Variants in ST6GALNAC3 observed in about 807,000 individuals in gnomAD.
ST6GALNAC3 encodes the protein alpha-N-acetylgalactosaminide alpha-2,6-sialyltransferase 3.
Under a neutral mutation model 32.7 loss-of-function variants are expected in ST6GALNAC3, and 25 were observed. That is an observed-to-expected ratio of 0.76 (90% CI 0.56 to 1.07). The LOEUF is 1.07. ST6GALNAC3 is among the 50% of genes least tolerant of loss of function. The probability of loss-of-function intolerance (pLI) is 0.00; values close to 1 mark genes in which losing one functional copy is unlikely to be tolerated. For synonymous variants in ST6GALNAC3, 129 were observed against 133.1 expected, an observed-to-expected ratio of 0.97 and a Z score of 0.21; for missense variants, 355 against 382.4, an observed-to-expected ratio of 0.93 and a Z score of 0.60.
At chr1:76,261,054 T>C (rs2100728404) in intron 1 of ST6GALNAC3, among the ~76,000 whole-genome samples, 1 of 151,420 alleles carries the variant, frequency 6.6e-6, no homozygotes, top group Non-Finnish European at 1.5e-5. Flanking sequence ...TATTATTAAC[T>C]CAGGAGTTTA....
At chr1:76,500,401 C>G (rs1488518228) in intron 3 of ST6GALNAC3, among the ~76,000 whole-genome samples, 3 of 152,080 alleles carry the variant, frequency 2.0e-5, no homozygotes, top group Non-Finnish European at 4.4e-5. Flanking sequence ...CTACAAGTAC[C>G]CATTCATAGA....
At chr1:76,381,281 CA>C (rs146996535) in intron 2 of ST6GALNAC3, among the ~76,000 whole-genome samples, 11,477 of 151,352 alleles carry the variant, frequency 0.076, 478 homozygotes, top group Middle Eastern at 0.12. Context: ...GCCATCTAAC[CA>C]AAAGGCAGTA....
At chr1:76,443,462 G>T (rs12084698) in intron 3 of ST6GALNAC3, among the ~76,000 whole-genome samples, 2,050 of 152,254 alleles carry the variant, frequency 0.013, 36 homozygotes, top group African/African-American at 0.042. Context: ...GGACGCTATC[G>T]GTTCATTCAG....
At chr1:76,422,080 A>T (rs984321806) in intron 3 of ST6GALNAC3, among the ~76,000 whole-genome samples, 1 of 151,724 alleles carries the variant, frequency 6.6e-6, no homozygotes, top group African/African-American at 2.4e-5. Context: ...AGTGTTTTCT[A>T]TGTATTTCTC....
At position 76,084,242 on chromosome 1, in the gene ST6GALNAC3, C is replaced by T. The variant is rs139274861; in HGVS notation, c.18+9358C>T. On this transcript the variant is annotated intron_variant, in intron 1 of 4. Transcript: ENST00000328299. ...TGGACTCCTGGCAGCCAAAGGCTGG[C>T]GACTGATGAGCAAGTAATGAGTGCC... 3.9e-5 allele frequency among the ~76,000 whole-genome samples: 6 copies of T among 152,278 alleles called. No individual in the cohort carries two copies. In the East Asian group the frequency reaches 9.7e-4, roughly 24 times the overall value.
chr1:76,597,263 A>G (rs1470670921), intron 3 of ST6GALNAC3, among the ~76,000 whole-genome samples: 1 of 152,146 alleles, frequency 6.6e-6, no homozygotes, highest in Non-Finnish European at 1.5e-5. Flanking sequence ...CTCAGTAAAT[A>G]TATGTTGCTT....
At chr1:76,551,403 A>G (rs1042855210) in intron 3 of ST6GALNAC3, among the ~76,000 whole-genome samples, 3 of 152,198 alleles carry the variant, frequency 2.0e-5, no homozygotes, top group African/African-American at 4.8e-5. Flanking sequence ...AATTTATTCC[A>G]CAGAGGCCCA....
intron 3 of ST6GALNAC3, among the ~76,000 whole-genome samples, chr1:76,440,357 G>T (rs1439898846): frequency 6.6e-6 from 1 of 152,226 alleles, no homozygotes; most frequent in Non-Finnish European, 1.5e-5. Context: ...GGCAAAAAAT[G>T]GAGTTTTGTG....
In ST6GALNAC3 at chr1:76,628,625, A is replaced by G. The variant is rs1279349567; in HGVS notation, c.737A>G (p.Glu246Gly). ...GMINDTYCKT[E>G]GYRKVPYHYY... is the part of the protein sequence containing the mutation. Reference sequence around the variant, plus strand: ...TCTTTTTTTTTCTTTTCTAGGACAGAAGGGTATAGAAAAGTCCCCTACCAT... The same window carrying G: ...TCTTTTTTTTTCTTTTCTAGGACAGGAGGGTATAGAAAAGTCCCCTACCAT... Residue 246 changes from glutamate (E) to glycine (G), a missense_variant, in exon 5 of 5, where the codon GAA (glutamate) becomes GGA (glycine). Coordinates refer to ENST00000328299, the MANE Select transcript of ST6GALNAC3 (RefSeq NM_152996.4). The G allele has an allele frequency of 1.3e-6, 2 of 1,597,648 alleles. No individual in the cohort carries two copies. Among genetic ancestry groups the G allele is most frequent in the African/African-American group, 1.4e-5 (1 of 73,682 alleles).
chr1:76,400,466 G>A (rs970514890), intron 2 of ST6GALNAC3, among the ~76,000 whole-genome samples: 6 of 152,106 alleles, frequency 3.9e-5, no homozygotes, highest in Non-Finnish European at 8.8e-5. Context: ...TTTAGATTTT[G>A]GCATTTGGAA....
At chr1:76,393,894 ATACTT>A (rs1043052142) in intron 2 of ST6GALNAC3, among the ~76,000 whole-genome samples, 2 of 152,182 alleles carry the variant, frequency 1.3e-5, no homozygotes, top group Non-Finnish European at 2.9e-5. Context: ...ATAAACTACT[ATACTT>A]TACTAAGAAT....
At chr1:76,338,775 G>C (rs1647715560) in intron 2 of ST6GALNAC3, among the ~76,000 whole-genome samples, 1 of 151,346 alleles carries the variant, frequency 6.6e-6, no homozygotes, top group African/African-American at 2.4e-5. Context: ...CTATTCTAGG[G>C]CATTCCTATT....
intron 3 of ST6GALNAC3, among the ~76,000 whole-genome samples, chr1:76,600,916 C>T (rs1647215580): frequency 6.6e-6 from 1 of 152,176 alleles, no homozygotes; most frequent in African/African-American, 2.4e-5. Context: ...GGCATGGTCA[C>T]TCACGCCTGT....
intron 1 of ST6GALNAC3, among the ~76,000 whole-genome samples, chr1:76,287,364 G>T (rs1659838878): frequency 1.4e-5 from 2 of 147,156 alleles, no homozygotes; most frequent in South Asian, 2.2e-4. Context: ...CATTTTGTCA[G>T]TTGTAGGTTT....
chr1:76,466,851 T>C (rs1161250796), intron 3 of ST6GALNAC3, among the ~76,000 whole-genome samples: 1 of 152,084 alleles, frequency 6.6e-6, no homozygotes, highest in East Asian at 1.9e-4. Context: ...TATAAAATTA[T>C]TGCATATAGA....
chr1:76,423,173 A>G (rs1655149392), intron 3 of ST6GALNAC3, among the ~76,000 whole-genome samples: 1 of 151,984 alleles, frequency 6.6e-6, no homozygotes. Context: ...CTGTTTGACA[A>G]CTGCCATCAT....
intron 3 of ST6GALNAC3, among the ~76,000 whole-genome samples, chr1:76,536,026 C>G (rs1344861467): frequency 6.6e-6 from 1 of 152,036 alleles, no homozygotes; most frequent in East Asian, 1.9e-4. Flanking sequence ...ATGCAAAATT[C>G]AATTTGTGAA....
chr1:76,293,909 A>G (rs891639187), intron 1 of ST6GALNAC3, among the ~76,000 whole-genome samples: 1 of 152,234 alleles, frequency 6.6e-6, no homozygotes, highest in South Asian at 2.1e-4. Context: ...GCTTTATATC[A>G]TAATTAAAGA....
chr1:76,364,656 A>T (rs1650228171), intron 2 of ST6GALNAC3, among the ~76,000 whole-genome samples: 1 of 152,116 alleles, frequency 6.6e-6, no homozygotes, highest in South Asian at 2.1e-4. Flanking sequence ...AAACCTCATT[A>T]AAAAGCAGGC....
Sources: allele counts gnomAD v4.1 joint callset (sites outside exome capture counted in the v4.1 genomes callset), GRCh38; gene constraint gnomAD v4.1.1; transcripts MANE v1.5; gene names NCBI Gene and HGNC (gene_info 2026-07-23, HGNC 2026-07-21).